PRIM1: variants seen among roughly 807,000 people sequenced by gnomAD.
PRIM1 encodes DNA primase subunit 1.
PRIM1 carries 38 observed loss-of-function variants against 60.2 expected under a neutral mutation model. The ratio of observed to expected loss-of-function variants is 0.63; its 90% CI spans 0.49 to 0.83. The LOEUF (loss-of-function observed/expected upper bound fraction) is 0.83. PRIM1 is among the 40% of genes least tolerant of loss of function. PRIM1 has a pLI of 0.00. For synonymous variants in PRIM1, 158 were observed against 160.2 expected (o/e 0.99, Z 0.10); for missense variants, 388 against 506.2 (o/e 0.77, Z 2.24).
At chr12:56,740,334 T>C (rs1953862741) in intron 9 of PRIM1, among the ~76,000 whole-genome samples, 1 of 152,006 alleles carries the variant, frequency 6.6e-6, no homozygotes, top group Non-Finnish European at 1.5e-5. Context: ...GATGAAACTA[T>C]AATATTTACA....
chr12:56,746,668 ACACACAC>A, intron 4 of PRIM1, 106 bp downstream of exon 4: 11 of 786,714 alleles, frequency 1.4e-5, no homozygotes, highest in Admixed American at 2.3e-5. Context: ...ACACACACAC[ACACACAC>A]AAATTAATGA....
At chr12:56,739,270 A>G (rs1355893373) in intron 10 of PRIM1, 24 bp downstream of exon 10, 3 of 1,480,478 alleles carry the variant, frequency 2.0e-6, no homozygotes, top group Non-Finnish European at 2.8e-6. Context: ...ACAAACAAGG[A>G]GTGATCAATG....
chr12:56,747,708 G>A (rs772074695), intron 2 of PRIM1, among the ~76,000 whole-genome samples: 3 of 152,126 alleles, frequency 2.0e-5, no homozygotes, highest in Non-Finnish European at 4.4e-5. Context: ...TCACGCCACT[G>A]CACTCCAGCC....
intron 2 of PRIM1, among the ~76,000 whole-genome samples, chr12:56,747,702 G>A (rs942421810): frequency 2.0e-5 from 3 of 152,052 alleles, no homozygotes; most frequent in African/African-American, 4.8e-5. Flanking sequence ...TCAAGATCAC[G>A]CCACTGCACT....
intron 6 of PRIM1, among the ~76,000 whole-genome samples, 161 bp from the exon 7 acceptor site, chr12:56,743,257 A>AT (rs1351095990): frequency 3.3e-5 from 5 of 152,218 alleles, no homozygotes; most frequent in African/African-American, 1.2e-4. Context: ...GGTTATGATA[A>AT]TTAAATGAGA....
chr12:56,751,153 A>G lies in PRIM1; in HGVS notation c.146T>C (p.Leu49Ser). 3 of 1,565,784 alleles carry G rather than the reference A, an allele frequency of 1.9e-6. No individual in the cohort carries two copies. The highest frequency in any genetic ancestry group is 1.7e-6 in the Non-Finnish European group (2 of 1,154,384). The change falls in exon 2 of 13, where the codon TTG (leucine) becomes TCG (serine). Residue 49 changes from leucine (L) to serine (S), a missense_variant. Leu to Ser is a moderately radical substitution (Grantham distance 145). Around this residue, in one of 3 missense-constraint regions of PRIM1, gnomAD observed 156 missense variants for 175.8 expected, o/e 0.89. Coordinates refer to ENST00000338193, the MANE Select transcript of PRIM1 (RefSeq NM_000946.3). ...YFQHREFSFTLKDDIYIRYQS... is the reference protein window; with the variant it reads ...YFQHREFSFTSKDDIYIRYQS... ...GTAGCGAATGTAAATATCATCTTTC[A>G]ATGTGAATGAAAATTCACGGTGTTG...
Position 56,746,873 on chromosome 12 carries a change from T to C in PRIM1, c.369-19A>G. ...TGCAGAACTAAAGCAGAGTCATCAT[T>C]ACTCATTGTCAGTGATACCACCCAC... is the stretch of plus-strand genomic sequence containing the variant. On this transcript the variant is annotated intron_variant, in intron 3 of 12. Transcript: ENST00000338193. The C allele has an allele frequency of 6.2e-7, 1 of 1,613,632 alleles. No homozygotes were observed. The highest frequency in any genetic ancestry group is 8.5e-7 in the Non-Finnish European group (1 of 1,179,652).
At chr12:56,736,600 C>T (rs900935609) in intron 11 of PRIM1, among the ~76,000 whole-genome samples, 6 of 151,812 alleles carry the variant, frequency 4.0e-5, no homozygotes, top group Non-Finnish European at 8.8e-5. Flanking sequence ...GCCTCCCGGG[C>T]TCAAGTGATT....
intron 2 of PRIM1, among the ~76,000 whole-genome samples, chr12:56,750,380 T>C (rs1335578446): frequency 1.3e-5 from 2 of 150,770 alleles, no homozygotes; most frequent in Non-Finnish European, 3.0e-5. Flanking sequence ...ATAGAATGGG[T>C]ATGGGAATGT....
intron 11 of PRIM1, among the ~76,000 whole-genome samples, chr12:56,737,629 G>C (rs925467550): frequency 3.9e-5 from 6 of 152,164 alleles, no homozygotes; most frequent in African/African-American, 1.4e-4. Flanking sequence ...GATTACAGGT[G>C]TGAGCCATCG....
chr12:56,733,140 C>G (rs1195870365), intron 12 of PRIM1, among the ~76,000 whole-genome samples: 2 of 148,734 alleles, frequency 1.3e-5, no homozygotes, highest in East Asian at 2.0e-4. Flanking sequence ...CAGGTGTGAG[C>G]CACCGTGTCC....
At chr12:56,750,513 C>T (rs1350152813) in intron 2 of PRIM1, among the ~76,000 whole-genome samples, 1 of 151,510 alleles carries the variant, frequency 6.6e-6, no homozygotes, top group African/African-American at 2.4e-5. Flanking sequence ...TATATTTGAC[C>T]TCAATAAAAA....
At chr12:56,736,529 A>C (rs1297031869) in intron 11 of PRIM1, among the ~76,000 whole-genome samples, 1 of 151,324 alleles carries the variant, frequency 6.6e-6, no homozygotes, top group Admixed American at 6.6e-5. Flanking sequence ...TTTGAGACGA[A>C]GTCTCACTCT....
At position 56,731,634 on chromosome 12, in the gene PRIM1, A is replaced by G. The variant is rs1032585538; in HGVS notation, c.*81T>C. ...TTTAAGACACATATATAGTTCTGCC[A>G]TATTTATTAAATGGCTCTTGAAGTA... On this transcript the variant is annotated 3_prime_UTR_variant, in exon 13 of 13. Coordinates refer to ENST00000338193, the MANE Select transcript of PRIM1 (RefSeq NM_000946.3). 6 of 1,263,820 alleles carry G rather than the reference A, an allele frequency of 4.7e-6. No individual in the cohort carries two copies. The highest frequency in any genetic ancestry group is 4.4e-6 in the Non-Finnish European group (4 of 905,798). The allele number at this position is 1,263,820 out of a possible 1,614,324, so 78.3% of individuals were successfully genotyped here.
chr12:56,739,366 G>T lies in PRIM1; in HGVS notation c.983-3C>A, dbSNP rs1219733155. 1 of 1,547,374 alleles carries T rather than the reference G, an allele frequency of 6.5e-7. No individual in the cohort carries two copies. Among genetic ancestry groups the T allele is most frequent in the Non-Finnish European group, 8.8e-7 (1 of 1,134,926 alleles). On this transcript the variant is annotated splice_region_variant and splice_polypyrimidine_tract_variant and intron_variant, in intron 9 of 12. Coordinates refer to ENST00000338193, the MANE Select transcript of PRIM1 (RefSeq NM_000946.3). ...ATCAATAGGCACAGATATGCGACCT[G>T]TAAGACACAAAAGTTATAAACTGAT... is the stretch of plus-strand genomic sequence containing the variant.
intron 1 of PRIM1, chr12:56,751,887 G>A (rs1028203160): frequency 2.7e-5 from 5 of 185,322 alleles, no homozygotes; most frequent in Non-Finnish European, 5.6e-5. Flanking sequence ...CTACGCCCCA[G>A]TAACCCCCTG....
intron 12 of PRIM1, among the ~76,000 whole-genome samples, chr12:56,732,460 C>T (rs1953791152): frequency 6.6e-6 from 1 of 152,142 alleles, no homozygotes; most frequent in Admixed American, 6.6e-5. Context: ...CGCAGTTGGC[C>T]TCTTGGGCTC....
intron 11 of PRIM1, among the ~76,000 whole-genome samples, chr12:56,737,944 T>C (rs1227841637): frequency 6.6e-6 from 1 of 151,164 alleles, no homozygotes; most frequent in Non-Finnish European, 1.5e-5. Context: ...AGGCTGGTCT[T>C]GAACTCCTGA....
Position 56,751,137 on chromosome 12 carries a change from G to A in PRIM1, c.162C>T (p.Tyr54=), listed in dbSNP as rs1293992241. 11 of 1,577,358 alleles carry A rather than the reference G, an allele frequency of 7.0e-6. No homozygotes were observed. The highest frequency in any genetic ancestry group is 1.3e-5 in the African/African-American group (1 of 74,140). The stretch of plus-strand genomic sequence containing the variant: ...GGTTGTTGAAGGATTGGTAGCGAAT[G>A]TAAATATCATCTTTCAATGTGAATG... ...EFSFTLKDDI[Y]IRYQSFNNQS... is the part of the protein sequence containing the mutation. Residue 54 remains tyrosine (Y), a synonymous_variant, in exon 2 of 13, where the codon TAC becomes TAT. Transcript: ENST00000338193.
Sources: allele counts gnomAD v4.1 joint callset (sites outside exome capture counted in the v4.1 genomes callset), GRCh38; gene constraint gnomAD v4.1.1; regional missense constraint gnomAD v4.1.1; transcripts MANE v1.5; gene names NCBI Gene and HGNC (gene_info 2026-07-23, HGNC 2026-07-21).